Variants in CFHR4 observed in about 807,000 individuals in gnomAD.
CFHR4 encodes complement factor H-related protein 4.
In CFHR4, 64 loss-of-function variants were observed where a neutral mutation model predicts 69.3. The ratio of observed to expected loss-of-function variants is 0.92; its 90% CI spans 0.76 to 1.14. CFHR4 has a LOEUF of 1.14. Ranked by LOEUF, CFHR4 falls within the 50% of genes most tolerant of loss-of-function variation. CFHR4 has a pLI of 0.00. For missense variants in CFHR4, 636 were observed against 684.9 expected (o/e 0.93, Z 0.80); for synonymous variants, 244 against 237.0 (o/e 1.03, Z -0.27).
Position 196,902,472 on chromosome 1 carries a change from G to C in CFHR4, c.113G>C (p.Ser38Thr). Residue 38 changes from serine (S) to threonine (T), a missense_variant, in exon 2 of 10, where the codon AGT becomes ACT. Ser to Thr is a moderately conservative substitution (Grantham distance 58, BLOSUM62 1). Transcript: ENST00000608469. Reference sequence around the variant, plus strand: ...CAACATGGAGGTCTATATTATAAGAGTTTGCGTAGACTATACTTTCCAGCA... The same window carrying C: ...CAACATGGAGGTCTATATTATAAGACTTTGCGTAGACTATACTTTCCAGCA... ...EIQHGGLYYK[S>T]LRRLYFPAAA... The C allele has an allele frequency of 6.2e-7, 1 of 1,612,042 alleles. No individual in the cohort carries two copies. The highest frequency in any genetic ancestry group is 8.5e-7 in the Non-Finnish European group (1 of 1,179,012).
chr1:196,897,739 C>T (rs1025109246), intron 1 of CFHR4, among the ~76,000 whole-genome samples: 1 of 151,112 alleles, frequency 6.6e-6, no homozygotes, highest in Non-Finnish European at 1.5e-5. Context: ...TGTTCAGCCG[C>T]GTATGTGTGC....
rs1456307210 is a variant in CFHR4, at chr1:196,903,236, T to G, written c.256+621T>G. Reference sequence around the variant, plus strand: ...TGTACATCAACTCTGAAGCCGAATTTATGTCTTTTTATTTTAAAACAGAAG... The same window carrying G: ...TGTACATCAACTCTGAAGCCGAATTGATGTCTTTTTATTTTAAAACAGAAG... On this transcript the variant is annotated intron_variant, in intron 2 of 9. Transcript: ENST00000608469. Among the ~76,000 whole-genome samples the G allele has an allele frequency of 2.0e-5, 3 of 151,472 alleles. 1 individual carries two copies. The highest frequency in any genetic ancestry group is 4.9e-5 in the African/African-American group (2 of 41,074).
At chr1:196,891,500 G>C (rs912049912) in intron 1 of CFHR4, among the ~76,000 whole-genome samples, 4 of 151,188 alleles carry the variant, frequency 2.6e-5, no homozygotes, top group African/African-American at 9.8e-5. Flanking sequence ...ACTAGCAAAC[G>C]CCTCCCAGAA....
At chr1:196,903,052 T>G (rs1657708419) in intron 2 of CFHR4, among the ~76,000 whole-genome samples, 1 of 151,404 alleles carries the variant, frequency 6.6e-6, no homozygotes, top group East Asian at 1.9e-4. Flanking sequence ...GGACAATGTA[T>G]TTTCAATTAT....
Position 196,918,495 on chromosome 1 carries a change from G to A in CFHR4, c.*89G>A. The A allele has an allele frequency of 7.8e-7, 1 of 1,278,554 alleles. No homozygotes were observed. The allele number at this position is 1,278,554 out of a possible 1,614,324, so 79.2% of individuals were successfully genotyped here. A position where few individuals can be genotyped will look rare whatever the true frequency, so the allele number is the denominator to read the frequency against. On this transcript the variant is annotated 3_prime_UTR_variant, in exon 10 of 10. Coordinates refer to ENST00000608469, the MANE Select transcript of CFHR4 (RefSeq NM_001201550.3). Reference sequence around the variant, plus strand: ...TGCAAAGATAGCTTCTGATATTGTTGTAATTTCTACTTTATTTCAAAGAAA... The same window carrying A: ...TGCAAAGATAGCTTCTGATATTGTTATAATTTCTACTTTATTTCAAAGAAA...
chr1:196,905,433 C>A, intron 3 of CFHR4, 143 bp downstream of exon 3: 1 of 1,226,240 alleles, frequency 8.2e-7, no homozygotes, highest in Non-Finnish European at 1.1e-6. Context: ...CATTCTGTGC[C>A]AAACTAAGTC....
intron 5 of CFHR4, among the ~76,000 whole-genome samples, chr1:196,908,284 G>A (rs1244414461): frequency 1.3e-5 from 2 of 151,366 alleles, no homozygotes; most frequent in Non-Finnish European, 2.9e-5. Context: ...TCCTGCACAT[G>A]TACCCCGAAC....
chr1:196,890,403 G>T (rs778776581), intron 1 of CFHR4, among the ~76,000 whole-genome samples: 1 of 151,438 alleles, frequency 6.6e-6, no homozygotes, highest in Non-Finnish European at 1.5e-5. Context: ...TGGAAGCCAC[G>T]CTATTTGAAA....
At chr1:196,897,319 C>A (rs943275105) in intron 1 of CFHR4, among the ~76,000 whole-genome samples, 2 of 151,384 alleles carry the variant, frequency 1.3e-5, no homozygotes, top group East Asian at 3.9e-4. Context: ...CTAGGGTAGG[C>A]GTCTGTGAGT....
intron 1 of CFHR4, among the ~76,000 whole-genome samples, chr1:196,896,359 C>A (rs1404288972): frequency 6.6e-6 from 1 of 151,540 alleles, no homozygotes; most frequent in Non-Finnish European, 1.5e-5. Context: ...TTCTAATTTT[C>A]CCCATTCATG....
At chr1:196,895,829 T>C (rs1657264783) in intron 1 of CFHR4, among the ~76,000 whole-genome samples, 1 of 151,680 alleles carries the variant, frequency 6.6e-6, no homozygotes, top group African/African-American at 2.4e-5. Context: ...CATAATTTTT[T>C]TGTTGAAAAC....
Position 196,918,304 on chromosome 1 carries a change from C to T in CFHR4, c.1635C>T (p.Thr545=). 10 of 1,610,124 alleles carry T rather than the reference C, an allele frequency of 6.2e-6. No homozygotes were observed. The highest frequency in any genetic ancestry group is 8.5e-6 in the Non-Finnish European group (10 of 1,177,694). ...AATATTATGCAAAAACAGGGGATAC[C>T]ATTGAATTTATGTGTAAATTGGGAT... is the stretch of plus-strand genomic sequence containing the variant. ...DIKYYAKTGD[T]IEFMCKLGYN... The change falls in exon 10 of 10, where the codon ACC becomes ACT. Residue 545 remains threonine (T), a synonymous_variant. Coordinates refer to ENST00000608469, the MANE Select transcript of CFHR4 (RefSeq NM_001201550.3).
chr1:196,914,572 G>T lies in CFHR4; in HGVS notation c.1258G>T (p.Asp420Tyr). The part of the protein sequence containing the change: ...GMRFKLHDTL[D>Y]YECYDGYEIS... ...GCGGTTTAAGCTCCATGACACATTGGACTACGAATGCTACGATGGATATGA... is the reference window on the plus strand; with the variant it reads ...GCGGTTTAAGCTCCATGACACATTGTACTACGAATGCTACGATGGATATGA... The change falls in exon 8 of 10, where the codon GAC becomes TAC. Residue 420 changes from aspartate (D) to tyrosine (Y), a missense_variant. Asp to Tyr is a radical substitution (Grantham distance 160). This residue lies in a region of CFHR4 where 529 missense variants were observed against 533.2 expected (regional missense o/e 0.99). Coordinates refer to ENST00000608469, the MANE Select transcript of CFHR4 (RefSeq NM_001201550.3). The T allele has an allele frequency of 6.2e-7, 1 of 1,611,522 alleles. No homozygotes were observed. Among genetic ancestry groups the T allele is most frequent in the Non-Finnish European group, 8.5e-7 (1 of 1,179,034 alleles).
At chr1:196,914,380 C>T in intron 7 of CFHR4, 115 bp from the exon 8 acceptor site, 2 of 1,026,786 alleles carry the variant, frequency 1.9e-6, no homozygotes, top group African/African-American at 1.7e-5. Flanking sequence ...TTTAATAGTA[C>T]TCAATTTATT....
At chr1:196,905,379 A>G in intron 3 of CFHR4, 89 bp downstream of exon 3, 1 of 1,535,966 alleles carries the variant, frequency 6.5e-7, no homozygotes, top group Non-Finnish European at 8.8e-7. Flanking sequence ...GATAGAAAAC[A>G]CTTTTAGGAG....
chr1:196,905,349 G>C, intron 3 of CFHR4, 59 bp downstream of exon 3: 1 of 1,589,656 alleles, frequency 6.3e-7, no homozygotes, highest in South Asian at 1.1e-5. Flanking sequence ...TCTTTGAGGT[G>C]ATAGTGTTTT....
Position 196,907,442 on chromosome 1 carries a change from G to T in CFHR4, c.743G>T (p.Gly248Val), listed in dbSNP as rs748872724. The change falls in exon 5 of 10, where the codon GGT becomes GTT. Residue 248 changes from glycine (G) to valine (V), a missense_variant. By Grantham distance (109) the Gly-to-Val change is moderately radical. This residue lies in a region of CFHR4 where 529 missense variants were observed against 533.2 expected (regional missense o/e 0.99). Transcript: ENST00000608469. Reference sequence around the variant, plus strand: ...TGCCAGTCCTACTATGAACTTCAGGGTTCTAAATATGTAACATGTAGTAAT... The same window carrying T: ...TGCCAGTCCTACTATGAACTTCAGGTTTCTAAATATGTAACATGTAGTAAT... The part of the protein sequence containing the change: ...YQCQSYYELQ[G>V]SKYVTCSNGD... 28 of 1,612,068 alleles carry T rather than the reference G, an allele frequency of 1.7e-5. No individual in the cohort carries two copies. The highest frequency in any genetic ancestry group is 2.4e-5 in the Non-Finnish European group (28 of 1,179,186).
intron 1 of CFHR4, among the ~76,000 whole-genome samples, chr1:196,892,819 A>G (rs1657103086): frequency 6.6e-6 from 1 of 151,516 alleles, no homozygotes; most frequent in Non-Finnish European, 1.5e-5. Flanking sequence ...AGTCAAAAAG[A>G]ATTTTTATTT....
intron 1 of CFHR4, among the ~76,000 whole-genome samples, chr1:196,889,114 A>G (rs1656885521): frequency 6.6e-6 from 1 of 151,506 alleles, no homozygotes; most frequent in Admixed American, 6.6e-5. Flanking sequence ...AACAAATGTA[A>G]TGGAGGATAA....
Sources: gnomAD v4.1 joint callset for allele counts (sites outside exome capture counted in the v4.1 genomes callset) on GRCh38, gnomAD v4.1.1 for gene constraint, gnomAD v4.1.1 regional missense constraint, MANE v1.5 for transcripts, NCBI Gene and HGNC (gene_info 2026-07-23, HGNC 2026-07-21) for gene names.